The following RIT2 variants were observed in gnomAD, a reference collection of about 807,000 sequenced individuals.
RIT2 encodes the protein GTP-binding protein Rit2.
RIT2 carries 24 observed loss-of-function variants against 23.7 expected under a neutral mutation model. The ratio of observed to expected loss-of-function variants is 1.01; its 90% CI spans 0.73 to 1.43. The LOEUF is 1.43. Among genes scored for constraint, RIT2 ranks in the 40% most tolerant of loss-of-function variants. The probability of loss-of-function intolerance (pLI) is 0.00; values close to 1 mark genes in which losing one functional copy is unlikely to be tolerated. For missense variants in RIT2, 236 were observed against 266.9 expected (o/e 0.88, Z 0.81); for synonymous variants, 107 against 91.1 (o/e 1.17, Z -0.99).
chr18:43,077,111 A>G (rs1477665688), intron 1 of RIT2, among the ~76,000 whole-genome samples: 1 of 150,516 alleles, frequency 6.6e-6, no homozygotes, highest in African/African-American at 2.4e-5. Context: ...TCAAAAAAAA[A>G]AAAAAAAAAA....
Position 42,960,223 on chromosome 18 carries a change from G to A in RIT2, c.234+13851C>T, listed in dbSNP as rs536565247. Among the ~76,000 whole-genome samples, 12 of 152,176 alleles carry A rather than the reference G, an allele frequency of 7.9e-5. No individual in the cohort carries two copies. The East Asian group carries it at 9.7e-4, about 12-fold the overall frequency. On this transcript the variant is annotated intron_variant, in intron 3 of 4. Transcript: ENST00000326695. Reference sequence around the variant, plus strand: ...CCTAACATTATAAACATATTTTCACGGTCAAAACCTCTACAGAGCATGTAA... The same window carrying A: ...CCTAACATTATAAACATATTTTCACAGTCAAAACCTCTACAGAGCATGTAA...
chr18:42,975,011 T>C (rs1910446945), intron 2 of RIT2, among the ~76,000 whole-genome samples: 2 of 152,026 alleles, frequency 1.3e-5, no homozygotes. Context: ...GGTAATTCTG[T>C]TTTTTTGTTA....
intron 4 of RIT2, among the ~76,000 whole-genome samples, chr18:42,840,353 C>G (rs1474173528): frequency 6.6e-6 from 1 of 152,102 alleles, no homozygotes; most frequent in East Asian, 1.9e-4. Context: ...CTAGTGTTTT[C>G]ATTTGCTATT....
intron 4 of RIT2, among the ~76,000 whole-genome samples, chr18:42,778,876 CTGCT>C (rs1253887718): frequency 6.6e-6 from 1 of 152,144 alleles, no homozygotes; most frequent in African/African-American, 2.4e-5. Flanking sequence ...ATCCATTTGA[CTGCT>C]TGTCAGTTGC....
Position 43,108,165 on chromosome 18 carries a change from A to T in RIT2, c.103+7252T>A, listed in dbSNP as rs1293546751. ...ACTCCAGCCTGAGTGATAGAACGAG[A>T]CTCCATCTCAAAAAAAAAAAAAATG... On this transcript the variant is annotated intron_variant, in intron 1 of 4. Transcript: ENST00000326695. Among the ~76,000 whole-genome samples, 3 of 129,672 alleles carry T rather than the reference A, an allele frequency of 2.3e-5. No homozygotes were observed. The East Asian group carries it at 7.3e-4, about 32-fold the overall frequency. 85.1% of individuals were successfully genotyped at this position (129,672 alleles called of 152,430 possible). A position where few individuals can be genotyped will look rare whatever the true frequency, so the allele number is the denominator to read the frequency against.
At chr18:42,967,904 T>C (rs1390666739) in intron 3 of RIT2, among the ~76,000 whole-genome samples, 3 of 152,068 alleles carry the variant, frequency 2.0e-5, no homozygotes, top group African/African-American at 7.2e-5. Flanking sequence ...CTTTTTTCTA[T>C]AAGTTGTCAG....
chr18:43,012,450 C>T (rs555954178), intron 2 of RIT2, among the ~76,000 whole-genome samples: 12 of 151,578 alleles, frequency 7.9e-5, no homozygotes, highest in South Asian at 4.2e-4. Flanking sequence ...ATTTATTCTG[C>T]GGGATTTGTA....
chr18:42,853,701 T>C (rs1244035039), intron 4 of RIT2, among the ~76,000 whole-genome samples: 1 of 152,198 alleles, frequency 6.6e-6, no homozygotes, highest in East Asian at 1.9e-4. Context: ...TCTGTATCTC[T>C]CATTCAGTCT....
At chr18:42,981,659 T>G (rs1910601511) in intron 2 of RIT2, among the ~76,000 whole-genome samples, 1 of 151,678 alleles carries the variant, frequency 6.6e-6, no homozygotes, top group South Asian at 2.1e-4. Flanking sequence ...AATAGAATTC[T>G]GGAAAAAAAA....
In RIT2 at chr18:42,782,614, T is replaced by C. The variant is rs542171885; in HGVS notation, c.427-38894A>G. 2.6e-5 allele frequency among the ~76,000 whole-genome samples: 4 copies of C among 152,186 alleles called. No individual in the cohort carries two copies. In the East Asian group the frequency reaches 5.8e-4, roughly 22 times the overall value. ...AATTTAGACAAAGAAAAGAATAGCA[T>C]ACAAAACATCATGCAGGCTAGAAAA... On this transcript the variant is annotated intron_variant, in intron 4 of 4. Transcript: ENST00000326695.
chr18:43,069,760 T>C (rs1016725128), intron 1 of RIT2, among the ~76,000 whole-genome samples: 1 of 152,158 alleles, frequency 6.6e-6, no homozygotes, highest in African/African-American at 2.4e-5. Flanking sequence ...CCTTATAACT[T>C]ATTGATGTTT....
At chr18:42,781,726 C>T (rs895088033) in intron 4 of RIT2, among the ~76,000 whole-genome samples, 4 of 152,278 alleles carry the variant, frequency 2.6e-5, no homozygotes, top group Admixed American at 6.5e-5. Flanking sequence ...CTCGGTCTTG[C>T]CCGTTGCTTT....
intron 4 of RIT2, among the ~76,000 whole-genome samples, chr18:42,748,938 T>A (rs1427148419): frequency 6.6e-6 from 1 of 151,768 alleles, no homozygotes; most frequent in Non-Finnish European, 1.5e-5. Context: ...AAAGAAAAAA[T>A]TAATAGGCAA....
intron 1 of RIT2, among the ~76,000 whole-genome samples, chr18:43,103,874 G>A (rs1404415209): frequency 3.3e-5 from 5 of 152,154 alleles, no homozygotes; most frequent in Non-Finnish European, 7.4e-5. Context: ...GTGGTATGAA[G>A]AGCAGGTAAG....
chr18:42,797,903 C>T (rs1905420893), intron 4 of RIT2, among the ~76,000 whole-genome samples: 1 of 152,052 alleles, frequency 6.6e-6, no homozygotes, highest in Admixed American at 6.6e-5. Context: ...AGAAGGTGGA[C>T]AAATAAAGGG....
chr18:43,051,039 A>G lies in RIT2; in HGVS notation c.104-17172T>C, dbSNP rs550542384. Among the ~76,000 whole-genome samples the G allele has an allele frequency of 2.4e-4, 37 of 152,212 alleles. No individual in the cohort carries two copies. The South Asian group carries it at 7.5e-3, about 31-fold the overall frequency. Reference sequence around the variant, plus strand: ...CCCAACGTGAAGCCAGTTGGTCACAAGTTCCAGAGGCTCGGACTTACAACT... The same window carrying G: ...CCCAACGTGAAGCCAGTTGGTCACAGGTTCCAGAGGCTCGGACTTACAACT... On this transcript the variant is annotated intron_variant, in intron 1 of 4. Coordinates refer to ENST00000326695, the MANE Select transcript of RIT2 (RefSeq NM_002930.4).
rs188684038 is a variant in RIT2 at position 42,994,989 on chromosome 18, C to T, written c.161-20842G>A. ...GATACCACACCTGACCTGGATACTA[C>T]ACCTGACCCTCACGACTGCATCTCT... On this transcript the variant is annotated intron_variant, in intron 2 of 4. Transcript: ENST00000326695. Among the ~76,000 whole-genome samples the T allele has an allele frequency of 9.3e-4, 142 of 152,226 alleles. 1 individual carries two copies. The highest frequency in any genetic ancestry group is 3.1e-3 in the African/African-American group (127 of 41,560).
chr18:42,888,206 A>C (rs184345915), intron 4 of RIT2, among the ~76,000 whole-genome samples: 2 of 151,904 alleles, frequency 1.3e-5, no homozygotes, highest in African/African-American at 4.8e-5. Context: ...CGAATATACC[A>C]CTGTGGCGGG....
At chr18:43,018,033 C>CT (rs977011025) in intron 2 of RIT2, among the ~76,000 whole-genome samples, 107 of 152,088 alleles carry the variant, frequency 7.0e-4, no homozygotes, top group African/African-American at 2.6e-3. Context: ...AAATTTCTTC[C>CT]TTTTTTTGTA....
Sources: gnomAD v4.1 joint callset for allele counts (sites outside exome capture counted in the v4.1 genomes callset) on GRCh38, gnomAD v4.1.1 for gene constraint, MANE v1.5 for transcripts, NCBI Gene and HGNC (gene_info 2026-07-23, HGNC 2026-07-21) for gene names.